The following FAM171A1 variants were observed in gnomAD, a reference collection of about 807,000 sequenced individuals.
FAM171A1 encodes family with sequence similarity 171 member A1.
A neutral mutation model predicts 74.9 loss-of-function variants in FAM171A1; 23 were observed. The observed-to-expected ratio is 0.31, with a 90% CI of 0.22 to 0.44. FAM171A1 has a LOEUF of 0.44. Ranked by LOEUF, FAM171A1 falls within the 20% of genes least tolerant of loss-of-function variation. The pLI is 1.00. For synonymous variants in FAM171A1, 527 were observed against 505.7 expected (o/e 1.04, Z -0.57); for missense variants, 1,162 against 1,159.2 (o/e 1.00, Z -0.03).
chr10:15,348,330 G>A (rs901141723), intron 1 of FAM171A1, among the ~76,000 whole-genome samples: 2 of 151,968 alleles, frequency 1.3e-5, no homozygotes, highest in African/African-American at 4.8e-5. Context: ...TATAGACAGG[G>A]TGTCACCATG....
intron 5 of FAM171A1, among the ~76,000 whole-genome samples, chr10:15,248,192 G>A (rs1375454137): frequency 6.6e-6 from 1 of 151,974 alleles, no homozygotes; most frequent in Non-Finnish European, 1.5e-5. Flanking sequence ...TATATTAGTG[G>A]TTTTCTCTAG....
rs931583954 is a variant in FAM171A1 at position 15,235,031 on chromosome 10, C to T, written c.754+13608G>A. Among the ~76,000 whole-genome samples the T allele has an allele frequency of 5.3e-5, 8 of 152,164 alleles. 1 individual carries two copies. The East Asian group carries it at 9.7e-4, about 18-fold the overall frequency. On this transcript the variant is annotated intron_variant, in intron 5 of 7. Coordinates refer to ENST00000378116, the MANE Select transcript of FAM171A1 (RefSeq NM_001010924.2). ...AGGGGTTAAAAAGTAGCCCCTATGCCGGGCGTGGTGTCTCACGCCTGTAAT... is the reference window on the plus strand; with the variant it reads ...AGGGGTTAAAAAGTAGCCCCTATGCTGGGCGTGGTGTCTCACGCCTGTAAT...
chr10:15,272,300 C>A (rs1381458004), intron 3 of FAM171A1, among the ~76,000 whole-genome samples: 1 of 152,098 alleles, frequency 6.6e-6, no homozygotes, highest in Non-Finnish European at 1.5e-5. Flanking sequence ...CAAAGAAGGC[C>A]ATTACATAAT....
intron 1 of FAM171A1, among the ~76,000 whole-genome samples, chr10:15,286,168 A>T (rs1252919532): frequency 2.0e-5 from 3 of 152,206 alleles, no homozygotes; most frequent in Non-Finnish European, 4.4e-5. Flanking sequence ...TAAACATTCC[A>T]ACATGGTGCT....
chr10:15,305,343 C>T (rs919637563), intron 1 of FAM171A1, among the ~76,000 whole-genome samples: 1 of 152,210 alleles, frequency 6.6e-6, no homozygotes, highest in African/African-American at 2.4e-5. Flanking sequence ...CCTGATGAAC[C>T]TCTCACGTCA....
chr10:15,279,900 T>TAAAA (rs1554835938), intron 2 of FAM171A1, among the ~76,000 whole-genome samples: 4 of 149,634 alleles, frequency 2.7e-5, no homozygotes, highest in Non-Finnish European at 5.9e-5. Flanking sequence ...TCTTGAAAAA[T>TAAAA]AAAACAAAAC....
At chr10:15,351,183 GA>G (rs1835872239) in intron 1 of FAM171A1, among the ~76,000 whole-genome samples, 1 of 152,212 alleles carries the variant, frequency 6.6e-6, no homozygotes, top group African/African-American at 2.4e-5. Context: ...GCTCAGATCA[GA>G]AGAATGACTG....
intron 1 of FAM171A1, among the ~76,000 whole-genome samples, chr10:15,339,383 C>T (rs963458741): frequency 6.6e-6 from 1 of 152,188 alleles, no homozygotes; most frequent in Non-Finnish European, 1.5e-5. Flanking sequence ...TTAGTCATTA[C>T]AGCGCCTTAG....
At chr10:15,235,114 G>A (rs1295093619) in intron 5 of FAM171A1, among the ~76,000 whole-genome samples, 1 of 151,848 alleles carries the variant, frequency 6.6e-6, no homozygotes, top group Non-Finnish European at 1.5e-5. Context: ...GTTTGAGATC[G>A]GCCTGGCCAA....
chr10:15,289,390 TG>T (rs1303311774), intron 1 of FAM171A1, among the ~76,000 whole-genome samples: 1 of 152,192 alleles, frequency 6.6e-6, no homozygotes, highest in Non-Finnish European at 1.5e-5. Context: ...ACCTGAAGAC[TG>T]CACAAAACCC....
At chr10:15,301,368 T>A (rs1463262053) in intron 1 of FAM171A1, among the ~76,000 whole-genome samples, 23 of 142,864 alleles carry the variant, frequency 1.6e-4, no homozygotes, top group Middle Eastern at 3.6e-3. Context: ...ATATATTTTT[T>A]TTTTTTGTAT....
chr10:15,374,532 C>T (rs1836181665), upstream of FAM171A1, among the ~76,000 whole-genome samples: 1 of 152,214 alleles, frequency 6.6e-6, no homozygotes, highest in African/African-American at 2.4e-5. Context: ...CGATCATGAT[C>T]ATCAGACACC....
chr10:15,357,978 A>C (rs1323971342), intron 1 of FAM171A1, among the ~76,000 whole-genome samples: 3 of 152,098 alleles, frequency 2.0e-5, no homozygotes, highest in Non-Finnish European at 4.4e-5. Context: ...TGGAAGTAGA[A>C]AGCTTTTTAT....
At chr10:15,309,676 T>C (rs1242778354) in intron 1 of FAM171A1, among the ~76,000 whole-genome samples, 1 of 152,246 alleles carries the variant, frequency 6.6e-6, no homozygotes, top group African/African-American at 2.4e-5. Flanking sequence ...TGAACTTGAA[T>C]CTACAAACAA....
At chr10:15,282,019 C>G (rs1377800280) in intron 2 of FAM171A1, among the ~76,000 whole-genome samples, 1 of 152,092 alleles carries the variant, frequency 6.6e-6, no homozygotes, top group African/African-American at 2.4e-5. Flanking sequence ...TATTTGTAAC[C>G]CCTAGATGTA....
chr10:15,241,244 T>C (rs905695292), intron 5 of FAM171A1: 2 of 152,244 alleles, frequency 1.3e-5, no homozygotes, highest in Non-Finnish European at 1.5e-5. Context: ...ACAGGAAATA[T>C]GGACATTGGG....
intron 1 of FAM171A1, among the ~76,000 whole-genome samples, chr10:15,286,602 T>C (rs577892626): frequency 6.6e-6 from 1 of 152,196 alleles, no homozygotes; most frequent in South Asian, 2.1e-4. Flanking sequence ...CATCTTTATA[T>C]CCAGAGCTCT....
rs1328227994 is a variant in FAM171A1 at position 15,312,693 on chromosome 10, T to G, written c.98-28588A>C. On this transcript the variant is annotated intron_variant, in intron 1 of 7. Coordinates refer to ENST00000378116, the MANE Select transcript of FAM171A1 (RefSeq NM_001010924.2). ...TGTGTGTTTTTTTTTTTTTTTTTTTTTTTTTTTTTTTTTTTTTTTTTGAGA... is the reference window on the plus strand; with the variant it reads ...TGTGTGTTTTTTTTTTTTTTTTTTTGTTTTTTTTTTTTTTTTTTTTTGAGA... Among the ~76,000 whole-genome samples the G allele has an allele frequency of 1.3e-4, 16 of 119,428 alleles. 1 individual carries two copies. Among genetic ancestry groups the G allele is most frequent in the Admixed American group, 4.4e-4 (5 of 11,344 alleles). 78.3% of individuals were successfully genotyped at this position (119,428 alleles called of 152,430 possible). A position where few individuals can be genotyped will look rare whatever the true frequency, so the allele number is the denominator to read the frequency against.
At chr10:15,358,581 T>A (rs1284440682) in intron 1 of FAM171A1, among the ~76,000 whole-genome samples, 1 of 152,198 alleles carries the variant, frequency 6.6e-6, no homozygotes, top group Non-Finnish European at 1.5e-5. Flanking sequence ...CAATCCCAGC[T>A]AGGTGTAAAC....
Sources: gnomAD v4.1 joint callset for allele counts (sites outside exome capture counted in the v4.1 genomes callset) on GRCh38, gnomAD v4.1.1 for gene constraint, MANE v1.5 for transcripts, NCBI Gene and HGNC (gene_info 2026-07-23, HGNC 2026-07-21) for gene names.